NOVA1: variants seen among roughly 807,000 people sequenced by gnomAD.
The protein encoded by NOVA1 is NOVA alternative splicing regulator 1.
A neutral mutation model predicts 38.0 loss-of-function variants in NOVA1; 7 were observed. The ratio of observed to expected loss-of-function variants is 0.18; its 90% CI spans 0.10 to 0.35. The LOEUF (loss-of-function observed/expected upper bound fraction) is 0.35. Among genes scored for constraint, NOVA1 ranks in the 10% least tolerant of loss-of-function variants. The pLI, the probability that NOVA1 is intolerant of heterozygous loss-of-function variation, is 1.00. For missense variants in NOVA1, 460 were observed against 616.0 expected (o/e 0.75, Z 2.68); for synonymous variants, 270 against 232.5 (o/e 1.16, Z -1.47).
At chr14:26,565,358 C>A (rs1048362941) in intron 2 of NOVA1, among the ~76,000 whole-genome samples, 1 of 152,078 alleles carries the variant, frequency 6.6e-6, no homozygotes, top group African/African-American at 2.4e-5. Context: ...AGTCTATCGC[C>A]CATCCCATCC....
At chr14:26,579,872 T>TA (rs1893103077) in intron 2 of NOVA1, among the ~76,000 whole-genome samples, 2 of 152,032 alleles carry the variant, frequency 1.3e-5, no homozygotes, top group Non-Finnish European at 2.9e-5. Context: ...TCTTAAAACT[T>TA]AAAAAAATTA....
intron 2 of NOVA1, among the ~76,000 whole-genome samples, chr14:26,574,577 G>A (rs990393612): frequency 6.6e-6 from 1 of 151,712 alleles, no homozygotes; most frequent in Admixed American, 6.6e-5. Context: ...TTAAATAGAG[G>A]GGCATAAATG....
chr14:26,545,250 T>C (rs1890718453), intron 2 of NOVA1, among the ~76,000 whole-genome samples: 1 of 151,794 alleles, frequency 6.6e-6, no homozygotes, highest in Admixed American at 6.6e-5. Context: ...AGAAGGATCA[T>C]CCAAGAAAAT....
chr14:26,470,546 T>G, intron 4 of NOVA1: 1 of 1,158,272 alleles, frequency 8.6e-7, no homozygotes, highest in Non-Finnish European at 1.3e-6. Context: ...CAGAGTATAG[T>G]GGACAGAATA....
At chr14:26,479,829 A>C (rs1369288394) in intron 3 of NOVA1, 148 bp downstream of exon 3, 1 of 739,768 alleles carries the variant, frequency 1.4e-6, no homozygotes, top group Non-Finnish European at 2.2e-6. Flanking sequence ...TGAGACCTTG[A>C]TAGTCTTTAA....
chr14:26,454,037 T>G (rs1882949539), intron 4 of NOVA1, among the ~76,000 whole-genome samples: 1 of 152,192 alleles, frequency 6.6e-6, no homozygotes, highest in Admixed American at 6.5e-5. Flanking sequence ...CAGATAAGGC[T>G]GACAATCTTT....
chr14:26,587,456 C>T (rs1023382483), intron 2 of NOVA1, among the ~76,000 whole-genome samples: 4 of 150,964 alleles, frequency 2.6e-5, no homozygotes, highest in Non-Finnish European at 4.5e-5. Context: ...CCTACACCAG[C>T]GTTTACAGGA....
chr14:26,520,649 C>A (rs1358080610), intron 2 of NOVA1, among the ~76,000 whole-genome samples: 1 of 152,104 alleles, frequency 6.6e-6, no homozygotes. Context: ...TCACTATGCA[C>A]ATGCTTGTTA....
chr14:26,475,595 C>T lies in NOVA1; in HGVS notation c.448-3204G>A, dbSNP rs529483904. Among the ~76,000 whole-genome samples the T allele has an allele frequency of 1.4e-4, 21 of 152,110 alleles. 1 individual carries two copies. The highest frequency in any genetic ancestry group is 2.1e-4 in the South Asian group (1 of 4,822). On this transcript the variant is annotated intron_variant, in intron 3 of 4. Transcript: ENST00000539517. ...TTTCAGTGCCATTTTTTCTTTCAAACGGAAAAGCATAATATATATTTTATC... is the reference window on the plus strand; with the variant it reads ...TTTCAGTGCCATTTTTTCTTTCAAATGGAAAAGCATAATATATATTTTATC...
chr14:26,595,763 T>G, intron 1 of NOVA1: 1 of 491,282 alleles, frequency 2.0e-6, no homozygotes. Flanking sequence ...GGATTTATAC[T>G]TTCAAGCTTG....
chr14:26,523,586 A>G (rs1259075556), intron 2 of NOVA1, among the ~76,000 whole-genome samples: 1 of 152,154 alleles, frequency 6.6e-6, no homozygotes, highest in African/African-American at 2.4e-5. Context: ...TGTTGCAACT[A>G]CTCAACTGCC....
chr14:26,515,845 T>C (rs1329193905), intron 2 of NOVA1, among the ~76,000 whole-genome samples: 1 of 152,084 alleles, frequency 6.6e-6, no homozygotes, highest in East Asian at 1.9e-4. Flanking sequence ...CTACAAATTA[T>C]GTTATTTGCT....
intron 2 of NOVA1, among the ~76,000 whole-genome samples, chr14:26,519,879 A>T: frequency 6.6e-6 from 1 of 152,242 alleles, no homozygotes; most frequent in South Asian, 2.1e-4. Context: ...CACAGAAAAA[A>T]GTTATGTTAA....
At chr14:26,451,835 T>G (rs149198956) in intron 4 of NOVA1, among the ~76,000 whole-genome samples, 8 of 152,282 alleles carry the variant, frequency 5.3e-5, no homozygotes, top group African/African-American at 1.9e-4. Context: ...TGAATTTTAG[T>G]GTTTAACCAT....
intron 2 of NOVA1, among the ~76,000 whole-genome samples, chr14:26,584,878 G>A (rs954093876): frequency 1.5e-4 from 23 of 151,140 alleles, no homozygotes; most frequent in African/African-American, 5.3e-4. Context: ...TTGTAACCTG[G>A]TATCCATCTA....
At chr14:26,587,016 T>C (rs1893559244) in intron 2 of NOVA1, among the ~76,000 whole-genome samples, 2 of 148,534 alleles carry the variant, frequency 1.3e-5, no homozygotes, top group South Asian at 4.2e-4. Flanking sequence ...AAAAAAAAAG[T>C]AGAACAAAAC....
chr14:26,566,126 C>T (rs1481583186), intron 2 of NOVA1, among the ~76,000 whole-genome samples: 4 of 151,984 alleles, frequency 2.6e-5, no homozygotes, highest in Non-Finnish European at 1.5e-5. Context: ...CATAACATAA[C>T]AGCTTAGCAA....
intron 2 of NOVA1, among the ~76,000 whole-genome samples, chr14:26,545,147 C>T (rs1269007022): frequency 6.6e-6 from 1 of 151,954 alleles, no homozygotes; most frequent in Non-Finnish European, 1.5e-5. Flanking sequence ...ATAAGACAGG[C>T]TCCACCCTCT....
chr14:26,511,620 T>TGG (rs1888097167), intron 2 of NOVA1, among the ~76,000 whole-genome samples: 1 of 151,756 alleles, frequency 6.6e-6, no homozygotes, highest in South Asian at 2.1e-4. Flanking sequence ...GGCGTGGTGG[T>TGG]GCATGCCTGC....
Sources: allele counts gnomAD v4.1 joint callset (sites outside exome capture counted in the v4.1 genomes callset), GRCh38; gene constraint gnomAD v4.1.1; transcripts MANE v1.5; gene names NCBI Gene and HGNC (gene_info 2026-07-23, HGNC 2026-07-21).